GRID2: variants seen among roughly 807,000 people sequenced by gnomAD.
GRID2 encodes glutamate ionotropic receptor delta type subunit 2.
GRID2 carries 33 observed loss-of-function variants against 114.8 expected under a neutral mutation model. The ratio of observed to expected loss-of-function variants is 0.29; its 90% CI spans 0.22 to 0.38. GRID2 has a LOEUF of 0.38. GRID2 is among the 10% of genes least tolerant of loss of function. The pLI is 1.00. For synonymous variants in GRID2, 505 were observed against 449.9 expected (o/e 1.12, Z -1.55); for missense variants, 1,184 against 1,257.7 (o/e 0.94, Z 0.89).
intron 8 of GRID2, among the ~76,000 whole-genome samples, chr4:93,307,083 C>G (rs950747849): frequency 6.6e-6 from 1 of 151,956 alleles, no homozygotes; most frequent in Admixed American, 6.6e-5. Context: ...GTAATCCCAG[C>G]TACTTGGGAG....
At chr4:92,522,995 T>C (rs1179007376) in intron 1 of GRID2, among the ~76,000 whole-genome samples, 1 of 151,792 alleles carries the variant, frequency 6.6e-6, no homozygotes, top group Non-Finnish European at 1.5e-5. Flanking sequence ...TCTCTGGTGA[T>C]AAATAAAGGA....
At chr4:93,037,110 C>T (rs990612143) in intron 2 of GRID2, among the ~76,000 whole-genome samples, 9 of 152,070 alleles carry the variant, frequency 5.9e-5, no homozygotes, top group East Asian at 5.8e-4. Flanking sequence ...TATTTTACTT[C>T]GAAGATCAGC....
intron 8 of GRID2, among the ~76,000 whole-genome samples, chr4:93,275,933 G>T (rs1285233057): frequency 6.6e-6 from 1 of 151,504 alleles, no homozygotes; most frequent in African/African-American, 2.4e-5. Context: ...TCACTTCCTT[G>T]ATGTTATCAT....
intron 2 of GRID2, among the ~76,000 whole-genome samples, chr4:92,739,835 C>T (rs1264010711): frequency 1.3e-5 from 2 of 152,048 alleles, no homozygotes; most frequent in South Asian, 4.1e-4. Context: ...TTCATTGGTA[C>T]TGTATTTATA....
rs1234388137 is a variant in GRID2, at chr4:93,332,267, C to CGTGT, written c.1246-63310_1246-63307dup. ...CAGAAAAAGAGTGTGTGTGTGTGTG[C>CGTGT]GTGTGTGTGTGTGTGTGTGTGTGTG... On this transcript the variant is annotated intron_variant, in intron 8 of 15. Transcript: ENST00000282020. 1.3e-3 allele frequency among the ~76,000 whole-genome samples: 175 copies of CGTGT among 134,008 alleles called. 1 individual carries two copies. Among genetic ancestry groups the CGTGT allele is most frequent in the Non-Finnish European group, 2.3e-3 (146 of 62,994 alleles). 87.9% of individuals were successfully genotyped at this position (134,008 alleles called of 152,430 possible). A position where few individuals can be genotyped will look rare whatever the true frequency, so the allele number is the denominator to read the frequency against.
At chr4:92,990,705 T>C (rs1030815611) in intron 2 of GRID2, among the ~76,000 whole-genome samples, 2 of 151,832 alleles carry the variant, frequency 1.3e-5, no homozygotes, top group South Asian at 2.1e-4. Flanking sequence ...TTGAAATGAC[T>C]GAAGAAAAAA....
At chr4:92,983,418 C>T (rs1013849927) in intron 2 of GRID2, among the ~76,000 whole-genome samples, 1 of 151,966 alleles carries the variant, frequency 6.6e-6, no homozygotes, top group African/African-American at 2.4e-5. Context: ...CTTAATGGCC[C>T]CACCTCTTAA....
At position 92,657,783 on chromosome 4, in the gene GRID2, A is replaced by C. The variant is rs377178479; in HGVS notation, c.244+67497A>C. On this transcript the variant is annotated intron_variant, in intron 2 of 15. Coordinates refer to ENST00000282020, the MANE Select transcript of GRID2 (RefSeq NM_001510.4). ...CTTAGACATTTCCCTTTCATAATAC[A>C]GCCTTTGATAATGGAGTTTCCCTTG... 3.8e-4 allele frequency among the ~76,000 whole-genome samples: 57 copies of C among 151,896 alleles called. No homozygotes were observed. The East Asian group carries it at 4.5e-3, about 12-fold the overall frequency.
At chr4:92,440,858 C>T (rs924283608) in intron 1 of GRID2, among the ~76,000 whole-genome samples, 2 of 151,916 alleles carry the variant, frequency 1.3e-5, no homozygotes, top group African/African-American at 4.8e-5. Context: ...GAAGTCTGGG[C>T]CAGGAACAAC....
In GRID2 at chr4:93,294,761, T is replaced by A. The variant is rs906035622; in HGVS notation, c.1245+56271T>A. 2.0e-5 allele frequency among the ~76,000 whole-genome samples: 3 copies of A among 152,110 alleles called. No individual in the cohort carries two copies. In the East Asian group the frequency reaches 5.8e-4, roughly 29 times the overall value. On this transcript the variant is annotated intron_variant, in intron 8 of 15. Transcript: ENST00000282020. ...TTTCAGTACAGATGGAGTTTTGCCATGTTGGCCAGGCTGGTCTCGAACTCC... is the reference window on the plus strand; with the variant it reads ...TTTCAGTACAGATGGAGTTTTGCCAAGTTGGCCAGGCTGGTCTCGAACTCC...
intron 14 of GRID2, among the ~76,000 whole-genome samples, chr4:93,667,376 TTCTC>T (rs757930454): frequency 8.0e-5 from 12 of 150,252 alleles, no homozygotes; most frequent in Admixed American, 5.3e-4. Context: ...ATCTGTTAGA[TTCTC>T]TCTCTCTCTT....
chr4:92,425,557 T>C (rs922948962), intron 1 of GRID2, among the ~76,000 whole-genome samples: 3 of 152,070 alleles, frequency 2.0e-5, no homozygotes, highest in Admixed American at 6.6e-5. Context: ...GGACACATAG[T>C]AGCAAAATAA....
At chr4:93,417,049 TC>T (rs966260613) in intron 9 of GRID2, among the ~76,000 whole-genome samples, 9 of 152,124 alleles carry the variant, frequency 5.9e-5, no homozygotes, top group African/African-American at 2.2e-4. Context: ...CAATTTAGAC[TC>T]AAGTCCTATT....
At chr4:92,834,273 CTTTTG>C (rs1248538614) in intron 2 of GRID2, among the ~76,000 whole-genome samples, 1 of 152,000 alleles carries the variant, frequency 6.6e-6, no homozygotes, top group Non-Finnish European at 1.5e-5. Context: ...CATATATTTT[CTTTTG>C]TTTTGTCTAA....
At chr4:92,665,705 T>C (rs1732736850) in intron 2 of GRID2, among the ~76,000 whole-genome samples, 2 of 150,510 alleles carry the variant, frequency 1.3e-5, no homozygotes, top group South Asian at 2.1e-4. Flanking sequence ...GGATTCTTGG[T>C]TGACATGTTT....
intron 14 of GRID2, among the ~76,000 whole-genome samples, chr4:93,667,193 G>A (rs1033630129): frequency 1.2e-4 from 18 of 151,990 alleles, no homozygotes; most frequent in Non-Finnish European, 2.7e-4. Flanking sequence ...GGTGTGCATG[G>A]ATTTTTGAGA....
At chr4:92,597,866 A>C (rs551318610) in intron 2 of GRID2, among the ~76,000 whole-genome samples, 6 of 152,284 alleles carry the variant, frequency 3.9e-5, no homozygotes, top group African/African-American at 1.2e-4. Flanking sequence ...TGTAGTCATA[A>C]AATAATTTAA....
intron 2 of GRID2, among the ~76,000 whole-genome samples, chr4:92,812,506 T>C (rs1740709564): frequency 6.6e-6 from 1 of 152,084 alleles, no homozygotes; most frequent in South Asian, 2.1e-4. Context: ...ATGCAAATTT[T>C]ACATGTATAT....
At chr4:92,387,469 C>A (rs1410609671) in intron 1 of GRID2, among the ~76,000 whole-genome samples, 1 of 151,950 alleles carries the variant, frequency 6.6e-6, no homozygotes, top group Non-Finnish European at 1.5e-5. Context: ...TTCCAATATG[C>A]TCCTTAATGA....
Sources: gnomAD v4.1 joint callset for allele counts (sites outside exome capture counted in the v4.1 genomes callset) on GRCh38, gnomAD v4.1.1 for gene constraint, MANE v1.5 for transcripts, NCBI Gene and HGNC (gene_info 2026-07-23, HGNC 2026-07-21) for gene names.